ASCC3: variants seen among roughly 807,000 people sequenced by gnomAD.
ASCC3 encodes ASC-1 complex subunit P200.
A neutral mutation model predicts 256.3 loss-of-function variants in ASCC3; 158 were observed. That is an observed-to-expected ratio of 0.62 (90% confidence interval 0.54 to 0.70). The LOEUF is 0.70. ASCC3 is among the 30% of genes least tolerant of loss of function. The pLI, the probability that ASCC3 is intolerant of heterozygous loss-of-function variation, is 0.00. For missense variants in ASCC3, 2,259 were observed against 2,626.0 expected (o/e 0.86, Z 3.05); for synonymous variants, 948 against 883.4 (o/e 1.07, Z -1.30).
At chr6:100,810,314 A>G (rs1770399661) in intron 4 of ASCC3, among the ~76,000 whole-genome samples, 1 of 151,766 alleles carries the variant, frequency 6.6e-6, no homozygotes, top group Non-Finnish European at 1.5e-5. Context: ...TCAAATAATA[A>G]CTCTTCTCCA....
At chr6:100,536,216 A>G (rs116898970) in intron 37 of ASCC3, among the ~76,000 whole-genome samples, 2,342 of 152,310 alleles carry the variant, frequency 0.015, 25 homozygotes, top group East Asian at 0.044. Context: ...ATATATCTTT[A>G]TTAACAATAG....
In ASCC3 at chr6:100,800,474, G is replaced by C; in HGVS notation, c.953C>G (p.Ala318Gly). 1 of 1,611,298 alleles carries C rather than the reference G, an allele frequency of 6.2e-7. No homozygotes were observed. The part of the protein sequence containing the change: ...DNCKKILGEN[A>G]KPNYGCQVTI... ...GACTTGACAACCATAATTGGGTTTA[G>C]CATTTTCTCCTAAAATTTTTTTACA... The change falls in exon 6 of 42, where the codon GCT becomes GGT. Residue 318 changes from alanine (A) to glycine (G), a missense_variant. Ala to Gly is a moderately conservative substitution (Grantham distance 60). This residue lies in a region of ASCC3 where 420 missense variants were observed against 419.3 expected (regional missense o/e 1.00). Coordinates refer to ENST00000369162, the MANE Select transcript of ASCC3 (RefSeq NM_006828.4).
At chr6:100,724,683 G>C (rs1241066822) in intron 11 of ASCC3, among the ~76,000 whole-genome samples, 1 of 151,778 alleles carries the variant, frequency 6.6e-6, no homozygotes, top group Non-Finnish European at 1.5e-5. Context: ...GGAGAGGAGG[G>C]AAAAGGAATG....
chr6:100,617,256 C>A (rs1023981699), intron 30 of ASCC3, among the ~76,000 whole-genome samples: 1 of 152,080 alleles, frequency 6.6e-6, no homozygotes, highest in Admixed American at 6.6e-5. Flanking sequence ...GATCTGCCTG[C>A]CTCGGCCTCC....
intron 4 of ASCC3, among the ~76,000 whole-genome samples, chr6:100,839,082 T>C (rs1772017526): frequency 6.6e-6 from 1 of 152,114 alleles, no homozygotes; most frequent in African/African-American, 2.4e-5. Context: ...TATCAATATA[T>C]TACATGTAAC....
intron 13 of ASCC3, among the ~76,000 whole-genome samples, chr6:100,695,386 G>A (rs569928441): frequency 6.6e-6 from 1 of 152,162 alleles, no homozygotes; most frequent in Non-Finnish European, 1.5e-5. Flanking sequence ...CAAAATACTA[G>A]CAAGTTTAGT....
At chr6:100,624,022 C>T (rs147637260) in intron 30 of ASCC3, among the ~76,000 whole-genome samples, 1,788 of 151,450 alleles carry the variant, frequency 0.012, 13 homozygotes, top group Non-Finnish European at 0.017. Flanking sequence ...TGTTAAATGA[C>T]GAGTTACTGG....
chr6:100,528,459 A>C (rs1466351389), intron 37 of ASCC3, among the ~76,000 whole-genome samples: 1 of 152,136 alleles, frequency 6.6e-6, no homozygotes, highest in African/African-American at 2.4e-5. Flanking sequence ...TTTGGCTAGC[A>C]CATATGACAA....
intron 10 of ASCC3, 41 bp from the exon 11 acceptor site, chr6:100,725,744 G>C (rs1562252978): frequency 6.2e-7 from 1 of 1,601,766 alleles, no homozygotes; most frequent in Non-Finnish European, 8.5e-7. Flanking sequence ...AAGTTACATA[G>C]GTTATTTAAC....
intron 10 of ASCC3, among the ~76,000 whole-genome samples, chr6:100,748,325 T>TA (rs371645955): frequency 0.015 from 2,270 of 149,104 alleles, 50 homozygotes; most frequent in African/African-American, 0.053. Flanking sequence ...GGGGAGAAAT[T>TA]AAAAAAAAAA....
At chr6:100,516,446 G>A in intron 38 of ASCC3, 119 bp from the exon 39 acceptor site, 1 of 1,260,056 alleles carries the variant, frequency 7.9e-7, no homozygotes, top group South Asian at 1.3e-5. Flanking sequence ...AACATTTTAA[G>A]ACCATTATGC....
chr6:100,851,267 CTTG>C (rs1772653526), intron 3 of ASCC3, among the ~76,000 whole-genome samples: 2 of 152,074 alleles, frequency 1.3e-5, no homozygotes, highest in African/African-American at 2.4e-5. Context: ...ATTTCTAATT[CTTG>C]TTTACAAAAT....
At chr6:100,564,456 T>A (rs1298640804) in intron 36 of ASCC3, among the ~76,000 whole-genome samples, 1 of 152,172 alleles carries the variant, frequency 6.6e-6, no homozygotes, top group Non-Finnish European at 1.5e-5. Flanking sequence ...ATGTAATATG[T>A]GTCTTTCTAT....
intron 30 of ASCC3, among the ~76,000 whole-genome samples, chr6:100,618,924 A>T (rs1773805383): frequency 6.6e-6 from 1 of 152,216 alleles, no homozygotes; most frequent in African/African-American, 2.4e-5. Flanking sequence ...TTCATAAAGG[A>T]AAAGGTAAGA....
chr6:100,876,083 G>T (rs1562363879), intron 1 of ASCC3, among the ~76,000 whole-genome samples: 1 of 152,162 alleles, frequency 6.6e-6, no homozygotes, highest in African/African-American at 2.4e-5. Flanking sequence ...ATGGAGTAGG[G>T]TCTCTGAGAA....
At chr6:100,784,853 T>C (rs6927598) in intron 8 of ASCC3, among the ~76,000 whole-genome samples, 59,254 of 151,750 alleles carry the variant, frequency 0.39, 12,846 homozygotes, top group Middle Eastern at 0.57. Context: ...CTATTCTGTA[T>C]TGACTTCATG....
intron 1 of ASCC3, among the ~76,000 whole-genome samples, chr6:100,868,627 T>C (rs1226089857): frequency 6.6e-6 from 1 of 152,250 alleles, no homozygotes; most frequent in Non-Finnish European, 1.5e-5. Context: ...ACGTATGTGT[T>C]GTTTCAACCC....
intron 1 of ASCC3, among the ~76,000 whole-genome samples, chr6:100,870,254 G>A (rs977059690): frequency 5.3e-5 from 8 of 150,560 alleles, no homozygotes; most frequent in South Asian, 2.1e-4. Flanking sequence ...TTTCTCATGC[G>A]TCAGGAGGCT....
chr6:100,561,981 T>G (rs548065325), intron 36 of ASCC3, among the ~76,000 whole-genome samples: 1 of 152,096 alleles, frequency 6.6e-6, no homozygotes, highest in Non-Finnish European at 1.5e-5. Flanking sequence ...GAATAGAACA[T>G]AAGAAAGCAT....
Sources: gnomAD v4.1 joint callset for allele counts (sites outside exome capture counted in the v4.1 genomes callset) on GRCh38, gnomAD v4.1.1 for gene constraint, gnomAD v4.1.1 regional missense constraint, MANE v1.5 for transcripts, NCBI Gene and HGNC (gene_info 2026-07-23, HGNC 2026-07-21) for gene names.